The following IFT81 variants were observed in gnomAD, a reference collection of about 807,000 sequenced individuals.
The protein encoded by IFT81 is intraflagellar transport 81.
A neutral mutation model predicts 102.6 loss-of-function variants in IFT81; 72 were observed. That is an observed-to-expected ratio of 0.70 (90% confidence interval 0.58 to 0.85). The LOEUF (loss-of-function observed/expected upper bound fraction) is 0.85, where lower values mean the gene tolerates loss of function less well. Ranked by LOEUF, IFT81 falls within the 40% of genes least tolerant of loss-of-function variation. The pLI is 0.00. For synonymous variants in IFT81, 237 were observed against 242.7 expected, an observed-to-expected ratio of 0.98 and a Z score of 0.22; for missense variants, 723 against 787.3, an observed-to-expected ratio of 0.92 and a Z score of 0.98.
chr12:110,125,339 A>C (rs1010105684), intron 1 of IFT81, among the ~76,000 whole-genome samples: 3 of 152,186 alleles, frequency 2.0e-5, no homozygotes, highest in African/African-American at 7.2e-5. Context: ...CTTATTTCTT[A>C]GCAATAATAA....
Position 110,193,204 on chromosome 12 carries a change from A to G in IFT81, c.1557+498A>G, listed in dbSNP as rs535175873. Among the ~76,000 whole-genome samples the G allele has an allele frequency of 1.3e-4, 20 of 152,186 alleles. No individual in the cohort carries two copies. In the South Asian group the frequency reaches 3.9e-3, roughly 30 times the overall value. ...AAATGACTTGCAAGGGTTTTTGTTT[A>G]ATTTATGCTGCTTATTTAGCCATAA... On this transcript the variant is annotated intron_variant, in intron 14 of 18. Coordinates refer to ENST00000242591, the MANE Select transcript of IFT81 (RefSeq NM_014055.4).
At chr12:110,186,181 A>T (rs1215521613) in intron 12 of IFT81, among the ~76,000 whole-genome samples, 2 of 152,160 alleles carry the variant, frequency 1.3e-5, no homozygotes, top group African/African-American at 4.8e-5. Flanking sequence ...CACTTTAAAG[A>T]TTTAATTCCA....
intron 10 of IFT81, among the ~76,000 whole-genome samples, chr12:110,159,474 T>G (rs1174375627): frequency 6.6e-6 from 1 of 152,148 alleles, no homozygotes; most frequent in Non-Finnish European, 1.5e-5. Context: ...AAATCTCAGG[T>G]CTTTTCTGAG....
intron 8 of IFT81, among the ~76,000 whole-genome samples, chr12:110,137,531 C>T (rs1051123088): frequency 4.6e-5 from 7 of 151,898 alleles, no homozygotes; most frequent in East Asian, 1.9e-4. Flanking sequence ...GTCAGGAGTT[C>T]GAGACCAACC....
At chr12:110,137,266 G>A (rs1034667248) in intron 8 of IFT81, among the ~76,000 whole-genome samples, 1 of 152,206 alleles carries the variant, frequency 6.6e-6, no homozygotes, top group Non-Finnish European at 1.5e-5. Context: ...CTTGAATCTG[G>A]GAGGCAGAGG....
intron 11 of IFT81, among the ~76,000 whole-genome samples, chr12:110,179,657 G>A (rs531001357): frequency 6.9e-6 from 1 of 145,410 alleles, no homozygotes; most frequent in Non-Finnish European, 1.5e-5. Context: ...GGAGGTTAAG[G>A]CTGCAATGAA....
At chr12:110,130,825 C>G (rs966555939) in intron 4 of IFT81, among the ~76,000 whole-genome samples, 1 of 151,774 alleles carries the variant, frequency 6.6e-6, no homozygotes, top group African/African-American at 2.4e-5. Context: ...TATACACACA[C>G]ACAATGATTT....
intron 11 of IFT81, among the ~76,000 whole-genome samples, chr12:110,166,730 A>C (rs1203481530): frequency 6.6e-6 from 1 of 150,816 alleles, no homozygotes; most frequent in African/African-American, 2.4e-5. Context: ...ACCCATTCCT[A>C]TAGTGCCTTG....
At chr12:110,197,640 A>G (rs1898073791) in intron 14 of IFT81, among the ~76,000 whole-genome samples, 1 of 150,154 alleles carries the variant, frequency 6.7e-6, no homozygotes, top group Non-Finnish European at 1.5e-5. Flanking sequence ...GAACCTTAGA[A>G]TAATTTGACA....
At chr12:110,180,669 A>G (rs958423180) in intron 12 of IFT81, 98 bp downstream of exon 12, 1 of 808,632 alleles carries the variant, frequency 1.2e-6, no homozygotes, top group Non-Finnish European at 1.8e-6. Flanking sequence ...TGGAAAAATG[A>G]TAAAAGTATT....
chr12:110,163,228 AT>A (rs1423184102), intron 11 of IFT81, among the ~76,000 whole-genome samples, 163 bp downstream of exon 11: 2 of 151,810 alleles, frequency 1.3e-5, no homozygotes, highest in African/African-American at 4.8e-5. Context: ...TACTGAGATT[AT>A]TTTTTTCTTT....
At position 110,209,232 on chromosome 12, in the gene IFT81, TA is replaced by T; in HGVS notation, c.1848+17del. On this transcript the variant is annotated intron_variant, in intron 18 of 18. Transcript: ENST00000242591. ...CCTTGGAAAGGTAAGAATTATTATT[TA>T]TTTTTTTAAATGTGTCTAACTGATT... The T allele has an allele frequency of 7.2e-7, 1 of 1,386,286 alleles. No homozygotes were observed. The highest frequency in any genetic ancestry group is 1.0e-6 in the Non-Finnish European group (1 of 982,916). 85.9% of individuals were successfully genotyped at this position (1,386,286 alleles called of 1,614,324 possible).
intron 10 of IFT81, among the ~76,000 whole-genome samples, chr12:110,151,830 GA>G (rs1895550228): frequency 6.6e-6 from 1 of 151,992 alleles, no homozygotes; most frequent in African/African-American, 2.4e-5. Context: ...CTAATCCCCT[GA>G]TAACCACCAT....
At chr12:110,161,681 TG>T (rs1480359008) in intron 10 of IFT81, among the ~76,000 whole-genome samples, 1 of 152,014 alleles carries the variant, frequency 6.6e-6, no homozygotes, top group Non-Finnish European at 1.5e-5. Context: ...CTTGAACTCC[TG>T]GGCTCAAGTG....
In IFT81 at chr12:110,183,080, G is replaced by A. The variant is rs1055360156; in HGVS notation, c.1338+2509G>A. 1.3e-4 allele frequency among the ~76,000 whole-genome samples: 20 copies of A among 152,194 alleles called. 1 individual carries two copies. ...GGCCATCAGCTTTCCAGATAGTGTA[G>A]TATGTGGTAAAATTACTGAATTATA... is the stretch of plus-strand genomic sequence containing the variant. On this transcript the variant is annotated intron_variant, in intron 12 of 18. Transcript: ENST00000242591.
chr12:110,213,046 A>G (rs963879085), intron 18 of IFT81, among the ~76,000 whole-genome samples: 9 of 151,998 alleles, frequency 5.9e-5, no homozygotes, highest in African/African-American at 1.9e-4. Flanking sequence ...ATCACATTTC[A>G]GTATGTACCA....
intron 8 of IFT81, among the ~76,000 whole-genome samples, chr12:110,141,368 C>T (rs1177105080): frequency 6.6e-6 from 1 of 152,148 alleles, no homozygotes; most frequent in Non-Finnish European, 1.5e-5. Context: ...ACTTTCTCTT[C>T]TCTTCCTTTC....
intron 13 of IFT81, 65 bp from the exon 14 acceptor site, chr12:110,192,552 T>A (rs2137550169): frequency 1.2e-6 from 1 of 810,314 alleles, no homozygotes; most frequent in Non-Finnish European, 2.0e-6. Flanking sequence ...AATATCTTTA[T>A]GCATGTAGTA....
At chr12:110,162,756 A>G (rs1347326795) in intron 10 of IFT81, among the ~76,000 whole-genome samples, 163 bp from the exon 11 acceptor site, 1 of 152,150 alleles carries the variant, frequency 6.6e-6, no homozygotes, top group Admixed American at 6.5e-5. Context: ...CATATTCAAT[A>G]TAATTGGTGA....
Sources: allele counts gnomAD v4.1 joint callset (sites outside exome capture counted in the v4.1 genomes callset), GRCh38; gene constraint gnomAD v4.1.1; transcripts MANE v1.5; gene names NCBI Gene and HGNC (gene_info 2026-07-23, HGNC 2026-07-21).